CS: variants seen among roughly 807,000 people sequenced by gnomAD.
CS encodes citrate synthase.
A neutral mutation model predicts 61.4 loss-of-function variants in CS; 13 were observed. The observed-to-expected ratio is 0.21, with a 90% CI of 0.14 to 0.34. CS has a LOEUF of 0.34. Among genes scored for constraint, CS ranks in the 10% least tolerant of loss-of-function variants. CS has a pLI of 1.00. For synonymous variants in CS, 159 were observed against 215.2 expected (o/e 0.74, Z 2.29); for missense variants, 278 against 573.4 (o/e 0.48, Z 5.26).
At chr12:56,300,112 G>T in intron 1 of CS, 48 bp downstream of exon 1, 1 of 1,532,432 alleles carries the variant, frequency 6.5e-7, no homozygotes, top group Non-Finnish European at 8.8e-7. Context: ...GCCTGCGGTC[G>T]CCTCAGCCCC....
chr12:56,283,741 G>T, intron 4 of CS, 51 bp downstream of exon 4: 2 of 1,402,124 alleles, frequency 1.4e-6, no homozygotes, highest in Non-Finnish European at 2.0e-6. Context: ...CACGGTTTGC[G>T]TATTTGCACA....
chr12:56,278,495 T>C (rs896304802), intron 6 of CS, among the ~76,000 whole-genome samples: 1 of 151,974 alleles, frequency 6.6e-6, no homozygotes, highest in African/African-American at 2.4e-5. Flanking sequence ...TCCCAGAACT[T>C]TGGGAGGCTG....
chr12:56,274,691 G>C, intron 9 of CS, 86 bp downstream of exon 9: 1 of 1,030,534 alleles, frequency 9.7e-7, no homozygotes, highest in Non-Finnish European at 1.4e-6. Flanking sequence ...CTAATTTAGG[G>C]ACCTCTTTCA....
chr12:56,277,177 C>T (rs1872644128), intron 6 of CS, among the ~76,000 whole-genome samples: 1 of 148,600 alleles, frequency 6.7e-6, no homozygotes, highest in African/African-American at 2.5e-5. Flanking sequence ...GCACTCCAGC[C>T]TGGACCACAG....
chr12:56,286,727 C>G (rs772034923), intron 1 of CS, 82 bp from the exon 2 acceptor site: 43 of 1,221,742 alleles, frequency 3.5e-5, no homozygotes, highest in Middle Eastern at 1.9e-4. Flanking sequence ...AGTGACTCAA[C>G]CTCTCTCTCT....
intron 2 of CS, chr12:56,286,231 T>C: frequency 1.7e-6 from 1 of 573,924 alleles, no homozygotes; most frequent in Non-Finnish European, 3.1e-6. Flanking sequence ...GTTTCTCGGT[T>C]TGGGCAGACA....
intron 6 of CS, among the ~76,000 whole-genome samples, chr12:56,277,136 G>A (rs1371597796): frequency 2.0e-4 from 30 of 151,260 alleles, no homozygotes; most frequent in East Asian, 1.6e-3. Flanking sequence ...CCCGGGAGGT[G>A]GAGGTTGCAG....
At chr12:56,279,096 C>A (rs931598207) in intron 6 of CS, among the ~76,000 whole-genome samples, 1 of 152,102 alleles carries the variant, frequency 6.6e-6, no homozygotes, top group African/African-American at 2.4e-5. Context: ...CTTGATCTGT[C>A]AGCTACTTCA....
chr12:56,296,540 A>G (rs960338636), intron 1 of CS, among the ~76,000 whole-genome samples: 16 of 152,204 alleles, frequency 1.1e-4, no homozygotes, highest in African/African-American at 3.1e-4. Flanking sequence ...CTATTGCTAC[A>G]GTTGCCTCAT....
At chr12:56,299,560 CCAAGCTCCTCCTATATAAAAAGTG>C (rs778038294) in intron 1 of CS, among the ~76,000 whole-genome samples, 3 of 152,086 alleles carry the variant, frequency 2.0e-5, no homozygotes, top group Non-Finnish European at 4.4e-5. Context: ...TCCACCCCAC[CCAAGCTCCTCCTATATAAAAAGTG>C]CAAGAGTCCC....
intron 1 of CS, among the ~76,000 whole-genome samples, chr12:56,288,624 C>G (rs944508627): frequency 1.3e-5 from 2 of 151,796 alleles, no homozygotes; most frequent in African/African-American, 2.4e-5. Context: ...AAATTTAGTT[C>G]CCCTATTTCT....
At chr12:56,282,700 A>G (rs1872810397) in intron 5 of CS, 92 bp from the exon 6 acceptor site, 1 of 1,521,694 alleles carries the variant, frequency 6.6e-7, no homozygotes, top group East Asian at 2.3e-5. Flanking sequence ...AAGAAAACCC[A>G]AGAGAGGTCA....
chr12:56,271,713 A>G lies in CS; in HGVS notation c.*1371T>C, dbSNP rs1281206424. On this transcript the variant is annotated 3_prime_UTR_variant, in exon 11 of 11. Coordinates refer to ENST00000351328, the MANE Select transcript of CS (RefSeq NM_004077.3). ...ATAGGCTCAAGCATTGTTAATAAAA[A>G]CATTTATTTTGCATTTTATACAGAA... The G allele has an allele frequency of 3.3e-6, 1 of 301,888 alleles. No homozygotes were observed. The highest frequency in any genetic ancestry group is 4.6e-5 in the Admixed American group (1 of 21,902). 18.7% of individuals were successfully genotyped at this position (301,888 alleles called of 1,614,324 possible).
At chr12:56,288,507 T>C (rs914542769) in intron 1 of CS, among the ~76,000 whole-genome samples, 1 of 151,728 alleles carries the variant, frequency 6.6e-6, no homozygotes, top group African/African-American at 2.4e-5. Flanking sequence ...GGCTAATTTT[T>C]GTATTTTCAG....
rs759559227 is a variant in CS at position 56,291,206 on chromosome 12, G to A, written c.43-4561C>T. 3.4e-6 allele frequency: 4 copies of A among 1,179,702 alleles called. No individual in the cohort carries two copies. The South Asian group carries it at 5.8e-5, about 17-fold the overall frequency. The allele number at this position is 1,179,702 out of a possible 1,614,324, so 73.1% of individuals were successfully genotyped here. ...AATATTTGTTTCTTACAAATGTGTT[G>A]GCCTATCACCTACCATCAAGTGTCA... On this transcript the variant is annotated intron_variant, in intron 1 of 10. Transcript: ENST00000351328.
chr12:56,274,883 G>C lies in CS; in HGVS notation c.919-5C>G, dbSNP rs1872591019. On this transcript the variant is annotated splice_polypyrimidine_tract_variant and splice_region_variant and intron_variant, in intron 8 of 10. Transcript: ENST00000351328. ...TGTTAGCCAGACAAGCACTTCCTAT[G>C]GGTAAGGTTTGGGGAAAAAGGGAAT... is the stretch of plus-strand genomic sequence containing the variant. 1 of 1,606,180 alleles carries C rather than the reference G, an allele frequency of 6.2e-7. No homozygotes were observed. Among genetic ancestry groups the C allele is most frequent in the Non-Finnish European group, 8.5e-7 (1 of 1,176,566 alleles).
chr12:56,298,655 T>A, intron 1 of CS: 1 of 985,354 alleles, frequency 1.0e-6, no homozygotes, highest in African/African-American at 1.7e-5. Context: ...AAGACAAGCA[T>A]CTCCCAAATG....
Position 56,272,044 on chromosome 12 carries a change from GCTTA to G in CS, c.*1036_*1039del. On this transcript the variant is annotated 3_prime_UTR_variant, in exon 11 of 11. Coordinates refer to ENST00000351328, the MANE Select transcript of CS (RefSeq NM_004077.3). ...CTTGAGGCAGGGGACGAGGAGGGAGGCTTACTATTTTTAATGCCCTCAGCCCCAG... is the reference window on the plus strand; with the variant it reads ...CTTGAGGCAGGGGACGAGGAGGGAGGCTATTTTTAATGCCCTCAGCCCCAG... 5.2e-6 allele frequency: 2 copies of G among 383,074 alleles called. No homozygotes were observed. Among genetic ancestry groups the G allele is most frequent in the Non-Finnish European group, 1.0e-5 (2 of 191,620 alleles). The allele number at this position is 383,074 out of a possible 1,614,324, so 23.7% of individuals were successfully genotyped here. A position where few individuals can be genotyped will look rare whatever the true frequency, so the allele number is the denominator to read the frequency against.
At chr12:56,277,729 C>T (rs1872665481) in intron 6 of CS, among the ~76,000 whole-genome samples, 1 of 146,922 alleles carries the variant, frequency 6.8e-6, no homozygotes, top group Non-Finnish European at 1.5e-5. Context: ...CTCCCGGGTT[C>T]ACGCCATTCT....
Sources: gnomAD v4.1 joint callset for allele counts (sites outside exome capture counted in the v4.1 genomes callset) on GRCh38, gnomAD v4.1.1 for gene constraint, MANE v1.5 for transcripts, NCBI Gene and HGNC (gene_info 2026-07-23, HGNC 2026-07-21) for gene names.